Variants in BCL2 observed in about 807,000 individuals in gnomAD.
The protein encoded by BCL2 is BCL2 apoptosis regulator, also known as apoptosis regulator Bcl-2.
BCL2 carries 1 observed loss-of-function variant against 14.2 expected under a neutral mutation model. That is an observed-to-expected ratio of 0.07 (90% CI 0.02 to 0.33). The LOEUF is 0.33. BCL2 is among the 10% of genes least tolerant of loss of function. The pLI is 0.99. For missense variants in BCL2, 247 were observed against 305.9 expected (o/e 0.81, Z 1.44); for synonymous variants, 151 against 137.2 (o/e 1.10, Z -0.70).
intron 2 of BCL2, among the ~76,000 whole-genome samples, chr18:63,262,543 T>C (rs1049206535): frequency 1.3e-5 from 2 of 152,188 alleles, no homozygotes; most frequent in Admixed American, 1.3e-4. Context: ...TTTTGGTCTG[T>C]CTGTCCATCT....
At chr18:63,319,106 T>A in intron 1 of BCL2, 68 bp downstream of exon 1, 1 of 1,019,204 alleles carries the variant, frequency 9.8e-7, no homozygotes, top group Non-Finnish European at 1.2e-6. Flanking sequence ...GAATGCACTT[T>A]AAGTAAAAAA....
intron 2 of BCL2, among the ~76,000 whole-genome samples, chr18:63,309,662 G>T (rs1256466648): frequency 6.6e-6 from 1 of 152,046 alleles, no homozygotes; most frequent in Non-Finnish European, 1.5e-5. Flanking sequence ...CACACATCCT[G>T]CCTTGTCTGA....
At chr18:63,130,804 C>T (rs1470160198) in intron 2 of BCL2, among the ~76,000 whole-genome samples, 7 of 152,068 alleles carry the variant, frequency 4.6e-5, no homozygotes, top group Admixed American at 4.6e-4. Flanking sequence ...GAAACAAACT[C>T]CTAGAAGTGA....
At chr18:63,278,781 C>A (rs1297692313) in intron 2 of BCL2, among the ~76,000 whole-genome samples, 1 of 152,096 alleles carries the variant, frequency 6.6e-6, no homozygotes, top group Non-Finnish European at 1.5e-5. Flanking sequence ...TTTTCCTTAA[C>A]AATACCAAGA....
At chr18:63,283,865 C>T (rs540185558) in intron 2 of BCL2, among the ~76,000 whole-genome samples, 23 of 152,296 alleles carry the variant, frequency 1.5e-4, no homozygotes, top group Admixed American at 9.1e-4. Context: ...AACTGCTCCC[C>T]GAGGATTCTT....
chr18:63,193,594 G>T (rs899938561), intron 2 of BCL2, among the ~76,000 whole-genome samples: 1 of 149,964 alleles, frequency 6.7e-6, no homozygotes, highest in Admixed American at 6.6e-5. Context: ...GTGTGTGTGT[G>T]TGTGTGTGTG....
At chr18:63,132,509 T>G (rs2144588629) in intron 2 of BCL2, among the ~76,000 whole-genome samples, 1 of 152,340 alleles carries the variant, frequency 6.6e-6, no homozygotes, top group South Asian at 2.1e-4. Flanking sequence ...TCCCGTGTTC[T>G]GGTCAAAGAT....
At chr18:63,186,505 C>A (rs906210240) in intron 2 of BCL2, among the ~76,000 whole-genome samples, 3 of 152,134 alleles carry the variant, frequency 2.0e-5, no homozygotes, top group African/African-American at 7.2e-5. Context: ...TGAGTATGAA[C>A]CATATATTAT....
chr18:63,156,115 C>T lies in BCL2; in HGVS notation c.586-27356G>A, dbSNP rs538010495. Among the ~76,000 whole-genome samples the T allele has an allele frequency of 5.9e-5, 7 of 118,958 alleles. No individual in the cohort carries two copies. In the East Asian group the frequency reaches 7.5e-4, roughly 13 times the overall value. 78.0% of individuals were successfully genotyped at this position (118,958 alleles called of 152,430 possible). On this transcript the variant is annotated intron_variant, in intron 2 of 2. Coordinates refer to ENST00000333681, the MANE Select transcript of BCL2 (RefSeq NM_000633.3). ...AAAAAAAAAAAAAAAAAGGCTTGGA[C>T]GGCATCAGACGGGCTGGCAGGGGAG...
chr18:63,296,486 T>C (rs759413960), intron 2 of BCL2, among the ~76,000 whole-genome samples: 1 of 152,180 alleles, frequency 6.6e-6, no homozygotes, highest in Admixed American at 6.5e-5. Flanking sequence ...TTGTGTTTTG[T>C]AGAGGCAGGG....
chr18:63,153,566 T>C (rs1914702640), intron 2 of BCL2, among the ~76,000 whole-genome samples: 1 of 149,100 alleles, frequency 6.7e-6, no homozygotes, highest in Non-Finnish European at 1.5e-5. Context: ...GGTAAGTTCT[T>C]AAAGAAAAAA....
At position 63,319,685 on chromosome 18, in the gene BCL2, C is replaced by G. The variant is rs1331901849; in HGVS notation, c.-798G>C. ...AACAGCAAATGCATTTTCCGAAAAG[C>G]TGCTGGATAAATGAAGGCAGGACGC... On this transcript the variant is annotated 5_prime_UTR_variant, in exon 1 of 3. Transcript: ENST00000333681. The G allele has an allele frequency of 4.6e-6, 1 of 217,490 alleles. No homozygotes were observed. Among genetic ancestry groups the G allele is most frequent in the African/African-American group, 2.2e-5 (1 of 44,458 alleles). 13.5% of individuals were successfully genotyped at this position (217,490 alleles called of 1,614,324 possible).
intron 2 of BCL2, among the ~76,000 whole-genome samples, chr18:63,307,102 A>C (rs1913166203): frequency 6.6e-6 from 1 of 152,176 alleles, no homozygotes; most frequent in Non-Finnish European, 1.5e-5. Flanking sequence ...AGTGCAAAAA[A>C]ACAATTACCC....
chr18:63,199,061 C>T (rs1438268970), intron 2 of BCL2, among the ~76,000 whole-genome samples: 1 of 150,232 alleles, frequency 6.7e-6, no homozygotes, highest in Non-Finnish European at 1.5e-5. Flanking sequence ...GACACACACA[C>T]TACACAACAC....
chr18:63,167,068 G>C (rs985768648), intron 2 of BCL2, among the ~76,000 whole-genome samples: 1 of 152,200 alleles, frequency 6.6e-6, no homozygotes, highest in Non-Finnish European at 1.5e-5. Flanking sequence ...AAAGGTGATG[G>C]GAGCACGAAG....
chr18:63,221,729 C>A (rs1480705575), intron 2 of BCL2, among the ~76,000 whole-genome samples: 1 of 152,232 alleles, frequency 6.6e-6, no homozygotes, highest in Non-Finnish European at 1.5e-5. Flanking sequence ...CTGCCCACTG[C>A]CTCAGAGATA....
rs1914594003 is a variant in BCL2 at position 63,149,489 on chromosome 18, G to A, written c.586-20730C>T. Among the ~76,000 whole-genome samples, 8 of 152,184 alleles carry A rather than the reference G, an allele frequency of 5.3e-5. No homozygotes were observed. Among genetic ancestry groups the A allele is most frequent in the Admixed American group, 1.3e-4 (2 of 15,284 alleles). ...TTGCAACTGTTGGCTGGTGCCAGAC[G>A]ACTTTCGCTTGTTCTGTCTCTGTTT... is the stretch of plus-strand genomic sequence containing the variant. On this transcript the variant is annotated intron_variant, in intron 2 of 2. Coordinates refer to ENST00000333681, the MANE Select transcript of BCL2 (RefSeq NM_000633.3). The surrounding 1 kb of genome is among the most constrained non-coding windows in gnomAD (Gnocchi z 4.2).
At chr18:63,247,780 G>A (rs954364582) in intron 2 of BCL2, among the ~76,000 whole-genome samples, 6 of 152,118 alleles carry the variant, frequency 3.9e-5, no homozygotes, top group Admixed American at 6.6e-5. Flanking sequence ...TCCCCATCAC[G>A]TCACATCAAT....
chr18:63,318,482 G>T lies in BCL2; in HGVS notation c.185C>A (p.Ser62Tyr), dbSNP rs747696230. The change falls in exon 2 of 3, where the codon TCC becomes TAC. Residue 62 changes from serine to tyrosine, a missense_variant. This residue lies in a region of BCL2 where 144 missense variants were observed against 135.3 expected (regional missense o/e 1.06). Coordinates refer to ENST00000333681, the MANE Select transcript of BCL2 (RefSeq NM_000633.3). The surrounding 1 kb of genome is among the most constrained non-coding windows in gnomAD (Gnocchi z 7.4). ...CGAGGTCCTGGCGACCGGGTCCCGG[G>T]ATGCGGCTGGATGGGGCGTGTGCCC... ...QPGHTPHPAASRDPVARTSPL... is the reference protein window; with the variant it reads ...QPGHTPHPAAYRDPVARTSPL... 1 of 1,488,626 alleles carries T rather than the reference G, an allele frequency of 6.7e-7. No individual in the cohort carries two copies. Among genetic ancestry groups the T allele is most frequent in the South Asian group, 1.4e-5 (1 of 73,908 alleles). 92.2% of individuals were successfully genotyped at this position (1,488,626 alleles called of 1,614,324 possible).
Sources: allele counts gnomAD v4.1 joint callset (sites outside exome capture counted in the v4.1 genomes callset), GRCh38; gene constraint gnomAD v4.1.1; regional missense constraint gnomAD v4.1.1; non-coding constraint Gnocchi (gnomAD v3.1); transcripts MANE v1.5; gene names NCBI Gene and HGNC (gene_info 2026-07-23, HGNC 2026-07-21).